The following CADPS variants were observed in gnomAD, a reference collection of about 807,000 sequenced individuals.
CADPS encodes calcium-dependent secretion activator 1.
In CADPS, 57 loss-of-function variants were observed where a neutral mutation model predicts 167.3. The observed-to-expected ratio is 0.34, with a 90% CI of 0.28 to 0.42. CADPS has a LOEUF of 0.42. Among genes scored for constraint, CADPS ranks in the 20% least tolerant of loss-of-function variants. CADPS has a pLI of 1.00. For synonymous variants in CADPS, 676 were observed against 635.3 expected, an observed-to-expected ratio of 1.06 and a Z score of -0.96; for missense variants, 1,414 against 1,738.1, an observed-to-expected ratio of 0.81 and a Z score of 3.32.
intron 26 of CADPS, among the ~76,000 whole-genome samples, chr3:62,457,039 A>G (rs2058770943): frequency 6.6e-6 from 1 of 150,624 alleles, no homozygotes; most frequent in Non-Finnish European, 1.5e-5. Flanking sequence ...GTAGAGTAAG[A>G]TTTTTTTTTT....
intron 24 of CADPS, among the ~76,000 whole-genome samples, chr3:62,467,668 C>T (rs1237281363): frequency 2.6e-5 from 4 of 152,112 alleles, no homozygotes; most frequent in Non-Finnish European, 5.9e-5. Context: ...GATAATAATA[C>T]TATCATCCTG....
chr3:62,628,689 C>T (rs2064631773), intron 6 of CADPS, among the ~76,000 whole-genome samples: 1 of 149,914 alleles, frequency 6.7e-6, no homozygotes, highest in African/African-American at 2.5e-5. Context: ...TGCAGTAGTG[C>T]AATCTTGGCT....
At chr3:62,763,802 T>C (rs192707380) in intron 2 of CADPS, among the ~76,000 whole-genome samples, 16 of 152,310 alleles carry the variant, frequency 1.1e-4, no homozygotes, top group Non-Finnish European at 1.0e-4. Context: ...AGCAGTTAGA[T>C]CATTAATACC....
intron 1 of CADPS, among the ~76,000 whole-genome samples, chr3:62,867,533 G>A (rs2081926043): frequency 6.6e-6 from 1 of 152,054 alleles, no homozygotes; most frequent in African/African-American, 2.4e-5. Context: ...AAAGAACAGA[G>A]ATGTATTGTA....
In CADPS at chr3:62,874,973, G is replaced by A. The variant is rs774661931; in HGVS notation, c.57C>T (p.Ser19=). ...GGGCCGAGCCGAGCACCTCCTTGCC[G>A]CTCTCCTCCTCCACGATCTCATCCG... The part of the protein sequence containing the change: ...EESDEIVEEE[S]GKEVLGSAPS... The change falls in exon 1 of 30, where the codon AGC becomes AGT. Residue 19 remains serine (S), a synonymous_variant. Transcript: ENST00000383710. The surrounding 1 kb of genome is among the most constrained non-coding windows in gnomAD (Gnocchi z 7.1). 5.0e-6 allele frequency: 8 copies of A among 1,592,546 alleles called. No individual in the cohort carries two copies. The South Asian group carries it at 5.5e-5, about 11-fold the overall frequency.
chr3:62,530,542 A>T (rs2073408180), intron 13 of CADPS: 3 of 621,858 alleles, frequency 4.8e-6, no homozygotes, highest in Non-Finnish European at 6.4e-6. Flanking sequence ...GCTTAAAGAG[A>T]GACTTTAGGA....
chr3:62,860,996 C>G (rs995852175), intron 1 of CADPS, among the ~76,000 whole-genome samples: 1 of 152,154 alleles, frequency 6.6e-6, no homozygotes, highest in African/African-American at 2.4e-5. Flanking sequence ...TGCTTGGGCA[C>G]ACTGAAAGTT....
intron 3 of CADPS, among the ~76,000 whole-genome samples, chr3:62,683,701 TACA>T (rs1165877856): frequency 6.6e-6 from 1 of 152,026 alleles, no homozygotes; most frequent in African/African-American, 2.4e-5. Context: ...GACACTACAT[TACA>T]TTTTGCTATC....
At chr3:62,466,089 C>T (rs2150387248) in intron 25 of CADPS, among the ~76,000 whole-genome samples, 1 of 152,248 alleles carries the variant, frequency 6.6e-6, no homozygotes, top group South Asian at 2.1e-4. Flanking sequence ...AAACATTTCT[C>T]ATATAACCTA....
chr3:62,754,076 C>T (rs974870850), intron 2 of CADPS, among the ~76,000 whole-genome samples: 2 of 152,212 alleles, frequency 1.3e-5, no homozygotes, highest in South Asian at 2.1e-4. Flanking sequence ...GCCCGGGCTG[C>T]ATAGGTTCTC....
chr3:62,481,050 A>T (rs1017856972), intron 22 of CADPS, among the ~76,000 whole-genome samples: 1 of 152,182 alleles, frequency 6.6e-6, no homozygotes. Flanking sequence ...CACAAATTTA[A>T]TTATTTATTG....
chr3:62,569,288 G>C (rs543987585), intron 9 of CADPS, among the ~76,000 whole-genome samples: 1 of 152,258 alleles, frequency 6.6e-6, no homozygotes, highest in South Asian at 2.1e-4. Context: ...TATTAGTAGA[G>C]ACAGGGTTTC....
At chr3:62,745,581 G>C (rs913160528) in intron 3 of CADPS, among the ~76,000 whole-genome samples, 1 of 152,144 alleles carries the variant, frequency 6.6e-6, no homozygotes, top group African/African-American at 2.4e-5. Flanking sequence ...CAGAAGGAAA[G>C]TTTATGCCTG....
intron 18 of CADPS, 111 bp from the exon 19 acceptor site, chr3:62,493,776 T>A: frequency 1.1e-6 from 1 of 885,622 alleles, no homozygotes; most frequent in Non-Finnish European, 1.8e-6. Context: ...AAAACCTCAC[T>A]GATTCAGATT....
chr3:62,560,282 C>G (rs1210773688), intron 9 of CADPS, among the ~76,000 whole-genome samples: 1 of 152,148 alleles, frequency 6.6e-6, no homozygotes, highest in Non-Finnish European at 1.5e-5. Context: ...TTTGGAAAGC[C>G]TTACATTTAT....
chr3:62,686,740 A>G (rs1392385885), intron 3 of CADPS, among the ~76,000 whole-genome samples: 2 of 152,076 alleles, frequency 1.3e-5, no homozygotes, highest in African/African-American at 4.8e-5. Flanking sequence ...GTGACTCATA[A>G]TAAGTAAAGC....
intron 3 of CADPS, among the ~76,000 whole-genome samples, chr3:62,748,718 T>C (rs968698446): frequency 2.0e-5 from 3 of 152,058 alleles, no homozygotes; most frequent in Non-Finnish European, 2.9e-5. Context: ...CACTTAAAAA[T>C]TTTTTTTGAG....
rs78035686 is a variant in CADPS at position 62,624,548 on chromosome 3, GA to G, written c.1325+21173del. 3.9e-3 allele frequency among the ~76,000 whole-genome samples: 573 copies of G among 147,946 alleles called. 4 individuals carry two copies. The highest frequency in any genetic ancestry group is 9.7e-3 in the African/African-American group (390 of 40,370). On this transcript the variant is annotated intron_variant, in intron 6 of 29. Coordinates refer to ENST00000383710, the MANE Select transcript of CADPS (RefSeq NM_003716.4). ...TCTCCAGTCTCTTAAAGAATCACTGGAAAAAAAAAAATCTCTGGTTAAGAGA... is the reference window on the plus strand; with the variant it reads ...TCTCCAGTCTCTTAAAGAATCACTGGAAAAAAAAAATCTCTGGTTAAGAGA...
chr3:62,700,567 C>T (rs986025189), intron 3 of CADPS, among the ~76,000 whole-genome samples: 5 of 152,010 alleles, frequency 3.3e-5, no homozygotes, highest in African/African-American at 4.8e-5. Context: ...AATTGGGGAC[C>T]TAATCTTATG....
Sources: allele counts gnomAD v4.1 joint callset (sites outside exome capture counted in the v4.1 genomes callset), GRCh38; gene constraint gnomAD v4.1.1; non-coding constraint Gnocchi (gnomAD v3.1); transcripts MANE v1.5; gene names NCBI Gene and HGNC (gene_info 2026-07-23, HGNC 2026-07-21).